WWOX: variants seen among roughly 807,000 people sequenced by gnomAD.
WWOX encodes WW domain-containing oxidoreductase.
In WWOX, 69 loss-of-function variants were observed where a neutral mutation model predicts 46.2. The ratio of observed to expected loss-of-function variants is 1.49; its 90% CI spans 1.23 to 1.82. The LOEUF is 1.82. Ranked by LOEUF, WWOX falls within the 40% of genes most tolerant of loss-of-function variation. The probability of loss-of-function intolerance (pLI) is 0.00; values close to 1 mark genes in which losing one functional copy is unlikely to be tolerated. For synonymous variants in WWOX, 359 were observed against 202.6 expected (o/e 1.77, Z -6.56); for missense variants, 919 against 542.6 (o/e 1.69, Z -6.89).
intron 8 of WWOX, among the ~76,000 whole-genome samples, chr16:78,774,944 C>G (rs1175105807): frequency 6.6e-6 from 1 of 152,120 alleles, no homozygotes. Flanking sequence ...ATGGGGTCCC[C>G]TGTAGCAGAT....
chr16:78,410,826 A>AG (rs1417644065), intron 6 of WWOX, among the ~76,000 whole-genome samples: 3 of 150,202 alleles, frequency 2.0e-5, no homozygotes, highest in South Asian at 2.1e-4. Flanking sequence ...AAAAAAAAAA[A>AG]AAGTTAGCTG....
rs145712910 is a variant in WWOX at position 78,473,834 on chromosome 16, G to T, written c.1056+41082G>T. On this transcript the variant is annotated intron_variant, in intron 8 of 8. Coordinates refer to ENST00000566780, the MANE Select transcript of WWOX (RefSeq NM_016373.4). ...TCACCTCTAAGATGATCCAGCTGTT[G>T]CATGGTGTAGCATGCCTAGTCCTTG... Among the ~76,000 whole-genome samples, 964 of 151,936 alleles carry T rather than the reference G, an allele frequency of 6.3e-3. 5 individuals carry two copies. The highest frequency in any genetic ancestry group is 9.0e-3 in the Non-Finnish European group (613 of 67,786).
At chr16:78,717,241 C>T (rs1476543748) in intron 8 of WWOX, among the ~76,000 whole-genome samples, 1 of 152,092 alleles carries the variant, frequency 6.6e-6, no homozygotes, top group Non-Finnish European at 1.5e-5. Flanking sequence ...ATTCATTAAG[C>T]ATTGCTAAAT....
At chr16:78,400,468 G>A (rs974846637) in intron 6 of WWOX, among the ~76,000 whole-genome samples, 4 of 152,192 alleles carry the variant, frequency 2.6e-5, no homozygotes, top group Admixed American at 6.5e-5. Context: ...GGATTCTAAT[G>A]TAATTGTTCT....
intron 8 of WWOX, among the ~76,000 whole-genome samples, chr16:78,768,694 G>C (rs2049987596): frequency 6.6e-6 from 1 of 152,030 alleles, no homozygotes. Context: ...GGGGAGTGTA[G>C]TTTGTCACTC....
intron 8 of WWOX, among the ~76,000 whole-genome samples, chr16:78,923,043 G>T (rs867119971): frequency 4.1e-5 from 6 of 147,696 alleles, no homozygotes; most frequent in Non-Finnish European, 7.4e-5. Flanking sequence ...GTGCAATGGC[G>T]CAATGTTGGT....
intron 4 of WWOX, among the ~76,000 whole-genome samples, chr16:78,121,951 G>A (rs949955176): frequency 5.9e-5 from 9 of 152,160 alleles, no homozygotes; most frequent in Non-Finnish European, 2.9e-5. Flanking sequence ...GTGAACCGCT[G>A]TGCCTGGCCC....
chr16:78,968,833 C>T, intron 8 of WWOX, among the ~76,000 whole-genome samples: 1 of 151,914 alleles, frequency 6.6e-6, no homozygotes, highest in Non-Finnish European at 1.5e-5. Context: ...GGATCCGAGC[C>T]ATTTGCAAAG....
At chr16:78,584,021 G>T (rs1387452297) in intron 8 of WWOX, among the ~76,000 whole-genome samples, 4 of 152,200 alleles carry the variant, frequency 2.6e-5, no homozygotes, top group South Asian at 4.1e-4. Context: ...TTACCATTCA[G>T]TGTGGCCCAG....
At chr16:78,730,052 A>G (rs2048932734) in intron 8 of WWOX, among the ~76,000 whole-genome samples, 1 of 152,158 alleles carries the variant, frequency 6.6e-6, no homozygotes, top group African/African-American at 2.4e-5. Context: ...TGACTTTGAT[A>G]TATCCATTTT....
chr16:78,104,939 G>A (rs2032046410), intron 1 of WWOX, among the ~76,000 whole-genome samples: 1 of 152,230 alleles, frequency 6.6e-6, no homozygotes, highest in Non-Finnish European at 1.5e-5. Flanking sequence ...AGGGCAGAGT[G>A]GCTGGCAAAT....
At position 79,138,098 on chromosome 16, in the gene WWOX, C is replaced by G. The variant is rs1299777174; in HGVS notation, c.1057-73510C>G. On this transcript the variant is annotated intron_variant, in intron 8 of 8. Coordinates refer to ENST00000566780, the MANE Select transcript of WWOX (RefSeq NM_016373.4). Reference sequence around the variant, plus strand: ...TGATTGAAAGCCCAAGCCCTGTGATCCACAGCAGGGGCCACAGCCAGAAAT... The same window carrying G: ...TGATTGAAAGCCCAAGCCCTGTGATGCACAGCAGGGGCCACAGCCAGAAAT... Among the ~76,000 whole-genome samples, 4 of 152,292 alleles carry G rather than the reference C, an allele frequency of 2.6e-5. No homozygotes were observed. In the East Asian group the frequency reaches 7.7e-4, roughly 29 times the overall value.
chr16:78,746,440 G>C (rs953348015), intron 8 of WWOX, among the ~76,000 whole-genome samples: 1 of 152,256 alleles, frequency 6.6e-6, no homozygotes, highest in South Asian at 2.1e-4. Flanking sequence ...TAAGGCTGCA[G>C]TGAGCCATGA....
At chr16:78,802,309 A>G (rs1463680089) in intron 8 of WWOX, among the ~76,000 whole-genome samples, 5 of 149,558 alleles carry the variant, frequency 3.3e-5, no homozygotes, top group South Asian at 2.1e-4. Flanking sequence ...TTTCCCAGCA[A>G]TGCTATAGGA....
At chr16:78,296,302 T>TA (rs1242186016) in intron 5 of WWOX, among the ~76,000 whole-genome samples, 8 of 151,736 alleles carry the variant, frequency 5.3e-5, no homozygotes, top group Non-Finnish European at 8.8e-5. Context: ...TTTTTTACAT[T>TA]AAAAAAAACT....
chr16:78,286,716 A>G (rs139553580), intron 5 of WWOX, among the ~76,000 whole-genome samples: 1 of 152,302 alleles, frequency 6.6e-6, no homozygotes, highest in African/African-American at 2.4e-5. Context: ...AAAATAAAAT[A>G]CAATGAATCC....
At chr16:78,661,473 A>T (rs1050885611) in intron 8 of WWOX, among the ~76,000 whole-genome samples, 1 of 152,066 alleles carries the variant, frequency 6.6e-6, no homozygotes, top group South Asian at 2.1e-4. Flanking sequence ...ACAAAGTGGG[A>T]TTGAACAGTT....
At chr16:78,159,779 G>T (rs1262698882) in intron 4 of WWOX, among the ~76,000 whole-genome samples, 2 of 121,562 alleles carry the variant, frequency 1.6e-5, no homozygotes, top group African/African-American at 6.2e-5. Context: ...TTACTATTTT[G>T]TAGCTTGCCC....
At chr16:78,698,964 A>C (rs1406530648) in intron 8 of WWOX, among the ~76,000 whole-genome samples, 1 of 152,222 alleles carries the variant, frequency 6.6e-6, no homozygotes. Flanking sequence ...TAAAATAGAA[A>C]CTGTTAGGCC....
Sources: allele counts gnomAD v4.1 joint callset (sites outside exome capture counted in the v4.1 genomes callset), GRCh38; gene constraint gnomAD v4.1.1; transcripts MANE v1.5; gene names NCBI Gene and HGNC (gene_info 2026-07-23, HGNC 2026-07-21).